The following STAT5A variants were observed in gnomAD, a reference collection of about 807,000 sequenced individuals.
The protein encoded by STAT5A is signal transducer and activator of transcription 5A.
In STAT5A, 26 loss-of-function variants were observed where a neutral mutation model predicts 100.2. That is an observed-to-expected ratio of 0.26 (90% CI 0.19 to 0.36). STAT5A has a LOEUF of 0.36. Ranked by LOEUF, STAT5A falls within the 10% of genes least tolerant of loss-of-function variation. STAT5A has a pLI of 1.00. For missense variants in STAT5A, 634 were observed against 1,027.5 expected (o/e 0.62, Z 5.24); for synonymous variants, 330 against 424.3 (o/e 0.78, Z 2.73).
rs200134221 is a variant in STAT5A at position 42,299,781 on chromosome 17, C to T, written c.581C>T (p.Pro194Leu). The change falls in exon 6 of 19, where the codon CCC becomes CTC. Residue 194 changes from proline to leucine, a missense_variant. Pro to Leu is a moderately conservative substitution (Grantham distance 98). Transcript: ENST00000590949. Reference sequence around the variant, plus strand: ...TTTGCCCAGCTGGCCCAGCTGAGCCCCCAGGAGCGTCTGAGCCGGGAGACG... The same window carrying T: ...TTTGCCCAGCTGGCCCAGCTGAGCCTCCAGGAGCGTCTGAGCCGGGAGACG... ...AQFAQLAQLS[P>L]QERLSRETAL... The T allele has an allele frequency of 9.7e-5, 157 of 1,614,158 alleles. 1 individual carries two copies. The Middle Eastern group carries it at 1.3e-3, about 14-fold the overall frequency.
Position 42,288,970 on chromosome 17 carries a change from A to G in STAT5A, c.-11+372A>G, listed in dbSNP as rs1374983111. Among the ~76,000 whole-genome samples, 3 of 152,160 alleles carry G rather than the reference A, an allele frequency of 2.0e-5. No homozygotes were observed. Among genetic ancestry groups the G allele is most frequent in the Non-Finnish European group, 4.4e-5 (3 of 68,014 alleles). On this transcript the variant is annotated intron_variant, in intron 1 of 18. Coordinates refer to ENST00000590949, the MANE Select transcript of STAT5A (RefSeq NM_001288718.2). This position sits in a 1 kb window ranked among gnomAD's most constrained non-coding sequence, Gnocchi z 4.8. ...CGAAAAGCCCTAGCCGTCGAGTGGG[A>G]GCCGTCGTGGCGCTGGCCTAACTTC...
At position 42,310,740 on chromosome 17, in the gene STAT5A, G is replaced by GGCTGTGTAC. The variant is rs1207308761; in HGVS notation, c.*72_*80dup. Reference sequence around the variant, plus strand: ...AGCGGTCGTGTTGTGAGTTTAGTAAGGCTGTGTACACTGACACCTTTGCAG... The same window carrying GGCTGTGTAC: ...AGCGGTCGTGTTGTGAGTTTAGTAAGGCTGTGTACGCTGTGTACACTGACACCTTTGCAG... On this transcript the variant is annotated 3_prime_UTR_variant, in exon 19 of 19. Transcript: ENST00000590949. The GGCTGTGTAC allele has an allele frequency of 5.6e-6, 9 of 1,599,842 alleles. No homozygotes were observed. Among genetic ancestry groups the GGCTGTGTAC allele is most frequent in the Non-Finnish European group, 7.7e-6 (9 of 1,171,820 alleles).
chr17:42,309,623 A>G lies in STAT5A; in HGVS notation c.2222+139A>G. The G allele has an allele frequency of 3.7e-6, 3 of 819,240 alleles. No homozygotes were observed. In the South Asian group the frequency reaches 5.5e-5, roughly 15 times the overall value. The allele number at this position is 819,240 out of a possible 1,614,324, so 50.7% of individuals were successfully genotyped here. ...AGGAGGAGTGAGATCAGCCAGGAAA[A>G]CAGAGCATTTTGAAGCTAGACATAG... On this transcript the variant is annotated intron_variant, in intron 18 of 18. Coordinates refer to ENST00000590949, the MANE Select transcript of STAT5A (RefSeq NM_001288718.2).
rs1009472259 is a variant in STAT5A at position 42,305,725 on chromosome 17, C to T, written c.1473+23C>T. 19 of 1,611,240 alleles carry T rather than the reference C, an allele frequency of 1.2e-5. No homozygotes were observed. In the Middle Eastern group the frequency reaches 8.2e-4, roughly 70 times the overall value. On this transcript the variant is annotated intron_variant, in intron 12 of 18. Coordinates refer to ENST00000590949, the MANE Select transcript of STAT5A (RefSeq NM_001288718.2). ...CCGGTGAGTCCCCGTGGGAGCCCTA[C>T]CCCAGCACCCCCAGGCCCTAGGACT...
At chr17:42,289,306 C>T in intron 1 of STAT5A, 96 bp from the exon 2 acceptor site, 1 of 1,379,330 alleles carries the variant, frequency 7.2e-7, no homozygotes, top group South Asian at 1.6e-5. Context: ...CTGGCCTGGC[C>T]GCGGTCCAGG....
rs943538593 is a variant in STAT5A, at chr17:42,304,744, A to G, written c.1380+92A>G. 9 of 1,570,682 alleles carry G rather than the reference A, an allele frequency of 5.7e-6. No individual in the cohort carries two copies. The African/African-American group carries it at 1.2e-4, about 21-fold the overall frequency. On this transcript the variant is annotated intron_variant, in intron 11 of 18. Transcript: ENST00000590949. The surrounding 1 kb of genome is among the most constrained non-coding windows in gnomAD (Gnocchi z 4.8). ...GGACTCCTGGCAGCAATGCCATCGG[A>G]CAGCCTGCTTTGACTCTGTGGGTCC...
In STAT5A at chr17:42,304,594, C is replaced by T. The variant is rs1163992121; in HGVS notation, c.1322C>T (p.Thr441Ile). The T allele has an allele frequency of 6.2e-7, 1 of 1,614,106 alleles. No individual in the cohort carries two copies. Among genetic ancestry groups the T allele is most frequent in the Non-Finnish European group, 8.5e-7 (1 of 1,180,048 alleles). ...GAGTCCGTGACAGAGGAGAAGTTCACAGTCCTGTTTGAGTCTCAGTTCAGT... is the reference window on the plus strand; with the variant it reads ...GAGTCCGTGACAGAGGAGAAGTTCATAGTCCTGTTTGAGTCTCAGTTCAGT... ...GAESVTEEKF[T>I]VLFESQFSVG... Residue 441 changes from threonine (T) to isoleucine (I), a missense_variant, in exon 11 of 19, where the codon ACA (threonine) becomes ATA (isoleucine). Physicochemically the swap from Thr to Ile is moderately conservative, Grantham distance 89. This residue lies in a region of STAT5A where 210 missense variants were observed against 428.4 expected (regional missense o/e 0.49). Transcript: ENST00000590949. This position sits in a 1 kb window ranked among gnomAD's most constrained non-coding sequence, Gnocchi z 4.8.
chr17:42,299,625 C>T (rs8072785), intron 5 of STAT5A, 126 bp from the exon 6 acceptor site: 167,654 of 1,499,900 alleles, frequency 0.11, 13,326 homozygotes, highest in African/African-American at 0.41. Context: ...TCAGGAACCC[C>T]GACTTGCTCT....
intron 18 of STAT5A, 100 bp from the exon 19 acceptor site, chr17:42,310,407 T>C: frequency 2.9e-6 from 4 of 1,365,554 alleles, no homozygotes; most frequent in Non-Finnish European, 3.1e-6. Flanking sequence ...CCTGTTCTCA[T>C]GAGACGGGTT....
intron 5 of STAT5A, among the ~76,000 whole-genome samples, chr17:42,299,546 G>C (rs1289079688): frequency 6.6e-6 from 1 of 152,216 alleles, no homozygotes; most frequent in African/African-American, 2.4e-5. Flanking sequence ...ACGGCTCAGA[G>C]TCAGGAGGCT....
intron 9 of STAT5A, among the ~76,000 whole-genome samples, chr17:42,303,992 G>C (rs9907453): frequency 1.6e-4 from 24 of 152,006 alleles, no homozygotes; most frequent in African/African-American, 5.1e-4. Flanking sequence ...AGGCCAGGGG[G>C]GTGGGTAGGT....
At chr17:42,301,247 C>G (rs748046845) in intron 8 of STAT5A, 28 bp from the exon 9 acceptor site, 15 of 1,607,442 alleles carry the variant, frequency 9.3e-6, no homozygotes, top group Non-Finnish European at 1.2e-5. Flanking sequence ...AACCCCTCAT[C>G]GTGTGTCTGT....
intron 4 of STAT5A, among the ~76,000 whole-genome samples, chr17:42,295,283 C>T (rs538898442): frequency 5.3e-5 from 8 of 152,152 alleles, no homozygotes; most frequent in Admixed American, 3.3e-4. Flanking sequence ...ACACCTGGGA[C>T]GTGTTGAGTT....
In STAT5A at chr17:42,304,205, A is replaced by G. The variant is rs1331467116; in HGVS notation, c.1170-137A>G. 4 of 776,300 alleles carry G rather than the reference A, an allele frequency of 5.2e-6. No individual in the cohort carries two copies. The African/African-American group carries it at 7.0e-5, about 14-fold the overall frequency. 48.1% of individuals were successfully genotyped at this position (776,300 alleles called of 1,614,324 possible). A position where few individuals can be genotyped will look rare whatever the true frequency, so the allele number is the denominator to read the frequency against. On this transcript the variant is annotated intron_variant, in intron 9 of 18. Coordinates refer to ENST00000590949, the MANE Select transcript of STAT5A (RefSeq NM_001288718.2). The surrounding 1 kb of genome is among the most constrained non-coding windows in gnomAD (Gnocchi z 4.8). ...AAGTCAGTAACCCAGAAAGACGCCA[A>G]GAAACACTCTTAGGGGATACGGGGC...
rs763002225 is a variant in STAT5A at position 42,307,413 on chromosome 17, G to C, written c.1692G>C (p.Pro564=). The change falls in exon 14 of 19, where the codon CCG becomes CCC. Residue 564 remains proline, a synonymous_variant. Coordinates refer to ENST00000590949, the MANE Select transcript of STAT5A (RefSeq NM_001288718.2). ...TCCTGGGCCCTCAGGAGAACTTGCC[G>C]GGCTGGAACTACACCTTCTGGCAGT... ...SWSQFNRENL[P]GWNYTFWQWF... The C allele has an allele frequency of 2.5e-6, 4 of 1,613,852 alleles. No individual in the cohort carries two copies. In the East Asian group the frequency reaches 8.9e-5, roughly 36 times the overall value.
At position 42,308,727 on chromosome 17, in the gene STAT5A, GTC is replaced by G. The variant is rs2081052776; in HGVS notation, c.2063-314_2063-313del. 2.0e-6 allele frequency: 1 copy of G among 503,412 alleles called. No homozygotes were observed. The allele number at this position is 503,412 out of a possible 1,614,324, so 31.2% of individuals were successfully genotyped here. ...GGAGTGCAGGCAGCAAAAGGGAGAAGTCTCTCTTCTTCCAGCTGCCCCAAATC... is the reference window on the plus strand; with the variant it reads ...GGAGTGCAGGCAGCAAAAGGGAGAAGTCTCTTCTTCCAGCTGCCCCAAATC... On this transcript the variant is annotated intron_variant, in intron 16 of 18. Coordinates refer to ENST00000590949, the MANE Select transcript of STAT5A (RefSeq NM_001288718.2). This position sits in a 1 kb window ranked among gnomAD's most constrained non-coding sequence, Gnocchi z 4.6.
intron 13 of STAT5A, 124 bp from the exon 14 acceptor site, chr17:42,307,278 G>T: frequency 1.1e-6 from 1 of 890,564 alleles, no homozygotes; most frequent in Non-Finnish European, 1.8e-6. Context: ...GTCTGCTGGA[G>T]TGTGGTGGCA....
At chr17:42,301,550 T>G in intron 9 of STAT5A, 96 bp downstream of exon 9, 3 of 1,521,796 alleles carry the variant, frequency 2.0e-6, no homozygotes, top group Non-Finnish European at 2.7e-6. Flanking sequence ...TGTCCCCTAG[T>G]TCACCGTGTT....
chr17:42,301,475 C>T, intron 9 of STAT5A, 21 bp downstream of exon 9: 2 of 1,613,798 alleles, frequency 1.2e-6, no homozygotes, highest in Non-Finnish European at 1.7e-6. Flanking sequence ...CTCTCCCTTC[C>T]CCTGCCCAAG....
Sources: gnomAD v4.1 joint callset for allele counts (sites outside exome capture counted in the v4.1 genomes callset) on GRCh38, gnomAD v4.1.1 for gene constraint, gnomAD v4.1.1 regional missense constraint, Gnocchi (gnomAD v3.1) non-coding constraint, MANE v1.5 for transcripts, NCBI Gene and HGNC (gene_info 2026-07-23, HGNC 2026-07-21) for gene names.